The following MED13L variants were observed in gnomAD, a reference collection of about 807,000 sequenced individuals.
The protein encoded by MED13L is mediator complex subunit 13L.
MED13L carries 7 observed loss-of-function variants against 220.9 expected under a neutral mutation model. That is an observed-to-expected ratio of 0.03 (90% CI 0.02 to 0.06). MED13L has a LOEUF of 0.06. Ranked by LOEUF, MED13L falls within the 10% of genes least tolerant of loss-of-function variation. The probability of loss-of-function intolerance (pLI) is 1.00; values close to 1 mark genes in which losing one functional copy is unlikely to be tolerated. For missense variants in MED13L, 1,965 were observed against 2,760.5 expected, an observed-to-expected ratio of 0.71 and a Z score of 6.46; for synonymous variants, 1,011 against 1,015.2, an observed-to-expected ratio of 1.00 and a Z score of 0.08.
intron 4 of MED13L, among the ~76,000 whole-genome samples, chr12:116,029,221 G>T (rs1263957004): frequency 7.0e-6 from 1 of 143,814 alleles, no homozygotes; most frequent in Non-Finnish European, 1.5e-5. Flanking sequence ...TCTAAAAAGG[G>T]ATTGGTCAGA....
intron 9 of MED13L, among the ~76,000 whole-genome samples, chr12:116,011,824 T>G (rs1369600964): frequency 6.6e-6 from 1 of 152,256 alleles, no homozygotes; most frequent in South Asian, 2.1e-4. Flanking sequence ...CGATAAAGAA[T>G]CAATTCAAGG....
chr12:116,217,241 G>C (rs761756003), intron 2 of MED13L, among the ~76,000 whole-genome samples: 1 of 152,128 alleles, frequency 6.6e-6, no homozygotes, highest in African/African-American at 2.4e-5. Flanking sequence ...AACCTATTAG[G>C]GAATGAAACA....
intron 2 of MED13L, among the ~76,000 whole-genome samples, chr12:116,112,841 A>G (rs1385651850): frequency 2.0e-5 from 3 of 152,202 alleles, no homozygotes; most frequent in Non-Finnish European, 4.4e-5. Context: ...AAAAGAGCTA[A>G]TATCTCAATA....
intron 17 of MED13L, among the ~76,000 whole-genome samples, chr12:115,988,996 T>C (rs1195899331): frequency 6.6e-6 from 1 of 152,242 alleles, no homozygotes; most frequent in Non-Finnish European, 1.5e-5. Context: ...GTTATACAAA[T>C]GAGCATAACC....
At chr12:116,094,194 G>A (rs1487101058) in intron 4 of MED13L, among the ~76,000 whole-genome samples, 2 of 152,116 alleles carry the variant, frequency 1.3e-5, no homozygotes, top group African/African-American at 4.8e-5. Flanking sequence ...AATAAAAGGA[G>A]GAAAAGTCAT....
At chr12:116,062,128 G>C (rs1307181704) in intron 4 of MED13L, among the ~76,000 whole-genome samples, 4 of 150,980 alleles carry the variant, frequency 2.6e-5, no homozygotes, top group Admixed American at 6.6e-5. Flanking sequence ...TCTTTTTTCT[G>C]GGTATGGTGG....
At chr12:116,253,200 G>A (rs1871716061) in intron 1 of MED13L, among the ~76,000 whole-genome samples, 1 of 150,868 alleles carries the variant, frequency 6.6e-6, no homozygotes, top group Non-Finnish European at 1.5e-5. Flanking sequence ...TGGGGGAGGG[G>A]GGCGGAGGTT....
intron 2 of MED13L, among the ~76,000 whole-genome samples, chr12:116,150,984 G>T (rs574842693): frequency 3.9e-5 from 6 of 152,226 alleles, no homozygotes; most frequent in African/African-American, 1.2e-4. Flanking sequence ...AGGGACTCGT[G>T]TGGATGCCCC....
At chr12:116,204,937 T>C (rs1318819328) in intron 2 of MED13L, among the ~76,000 whole-genome samples, 1 of 152,176 alleles carries the variant, frequency 6.6e-6, no homozygotes, top group South Asian at 2.1e-4. Context: ...AAAGCAGCAG[T>C]GTAGTGTCAG....
At chr12:116,237,425 A>T (rs1411031357) in intron 2 of MED13L, 43 bp downstream of exon 2, 2 of 1,455,574 alleles carry the variant, frequency 1.4e-6, no homozygotes, top group Non-Finnish European at 1.9e-6. Flanking sequence ...TGTTCAAAAA[A>T]ATATGATGCA....
At chr12:116,100,464 GT>G (rs952138339) in intron 3 of MED13L, among the ~76,000 whole-genome samples, 1 of 151,876 alleles carries the variant, frequency 6.6e-6, no homozygotes, top group Non-Finnish European at 1.5e-5. Flanking sequence ...CCCGGGTGTT[GT>G]GGTGGGCACC....
At chr12:116,040,115 G>C (rs185851294) in intron 4 of MED13L, among the ~76,000 whole-genome samples, 1 of 152,084 alleles carries the variant, frequency 6.6e-6, no homozygotes, top group East Asian at 1.9e-4. Flanking sequence ...CCCAACAATA[G>C]GTAAAGAGAA....
At chr12:116,061,770 G>A (rs1306683825) in intron 4 of MED13L, among the ~76,000 whole-genome samples, 1 of 152,082 alleles carries the variant, frequency 6.6e-6, no homozygotes, top group African/African-American at 2.4e-5. Flanking sequence ...CACTTTGGGA[G>A]GCCGAGGCAG....
At chr12:116,273,201 G>A (rs1873533185) in intron 1 of MED13L, among the ~76,000 whole-genome samples, 1 of 152,136 alleles carries the variant, frequency 6.6e-6, no homozygotes, top group African/African-American at 2.4e-5. Context: ...GTATTCCGGA[G>A]GCTGAGGGAG....
At chr12:115,962,162 G>T (rs534122878) in intron 30 of MED13L, among the ~76,000 whole-genome samples, 1 of 152,112 alleles carries the variant, frequency 6.6e-6, no homozygotes, top group Non-Finnish European at 1.5e-5. Context: ...GGTTCACATT[G>T]TATTTCTATT....
chr12:116,184,410 G>A (rs946076892), intron 2 of MED13L, among the ~76,000 whole-genome samples: 1 of 152,138 alleles, frequency 6.6e-6, no homozygotes, highest in Non-Finnish European at 1.5e-5. Flanking sequence ...AATGAAGAGA[G>A]GGATGTGTTT....
intron 1 of MED13L, among the ~76,000 whole-genome samples, chr12:116,258,398 G>C (rs1240762371): frequency 6.6e-6 from 1 of 152,186 alleles, no homozygotes; most frequent in Non-Finnish European, 1.5e-5. Flanking sequence ...TTTACAAACA[G>C]CAAAAGCTCT....
At chr12:115,964,725 C>G (rs1393216659) in intron 29 of MED13L, among the ~76,000 whole-genome samples, 4 of 152,122 alleles carry the variant, frequency 2.6e-5, no homozygotes, top group Non-Finnish European at 5.9e-5. Context: ...TCCTGAGGCC[C>G]TGCTGGACCA....
intron 4 of MED13L, among the ~76,000 whole-genome samples, chr12:116,081,002 C>T (rs573518328): frequency 5.3e-5 from 8 of 152,310 alleles, no homozygotes; most frequent in Non-Finnish European, 8.8e-5. Context: ...AGGGAACATA[C>T]TTTGCACAAT....
Sources: gnomAD v4.1 joint callset for allele counts (sites outside exome capture counted in the v4.1 genomes callset) on GRCh38, gnomAD v4.1.1 for gene constraint, MANE v1.5 for transcripts, NCBI Gene and HGNC (gene_info 2026-07-23, HGNC 2026-07-21) for gene names.